The following ADIPOR2 variants were observed in gnomAD, a reference collection of about 807,000 sequenced individuals.
ADIPOR2 encodes adiponectin receptor protein 2.
A neutral mutation model predicts 40.9 loss-of-function variants in ADIPOR2; 18 were observed. The ratio of observed to expected loss-of-function variants is 0.44; its 90% confidence interval spans 0.30 to 0.65. ADIPOR2 has a LOEUF of 0.65. ADIPOR2 is among the 30% of genes least tolerant of loss of function. The probability of loss-of-function intolerance (pLI) is 0.09; values close to 1 mark genes in which losing one functional copy is unlikely to be tolerated. For synonymous variants in ADIPOR2, 165 were observed against 166.4 expected, an observed-to-expected ratio of 0.99 and a Z score of 0.06; for missense variants, 283 against 479.2, an observed-to-expected ratio of 0.59 and a Z score of 3.82.
At chr12:1,737,006 A>G (rs1364798214) in intron 1 of ADIPOR2, among the ~76,000 whole-genome samples, 1 of 152,212 alleles carries the variant, frequency 6.6e-6, no homozygotes, top group Non-Finnish European at 1.5e-5. Flanking sequence ...GTGAAAAGCC[A>G]GAAGGGCCCG....
chr12:1,693,520 C>CTTTTTTTTTTTTTTTTTT (rs35175001), intron 1 of ADIPOR2, among the ~76,000 whole-genome samples: 1 of 140,208 alleles, frequency 7.1e-6, no homozygotes. Context: ...TTGTAATCTG[C>CTTTTTTTTTTTTTTTTTT]TTTTTTTTTT....
At chr12:1,758,391 G>A (rs900642869) in intron 2 of ADIPOR2, among the ~76,000 whole-genome samples, 7 of 152,178 alleles carry the variant, frequency 4.6e-5, no homozygotes, top group Non-Finnish European at 1.0e-4. Flanking sequence ...AGGATCCATA[G>A]GTTGTGGAAT....
intron 1 of ADIPOR2, among the ~76,000 whole-genome samples, chr12:1,693,355 A>G (rs1439527638): frequency 6.6e-6 from 1 of 152,130 alleles, no homozygotes; most frequent in Non-Finnish European, 1.5e-5. Flanking sequence ...AAAATGATAC[A>G]TAGTCAATGT....
intron 1 of ADIPOR2, among the ~76,000 whole-genome samples, chr12:1,715,793 G>C (rs2094686346): frequency 6.6e-6 from 1 of 152,146 alleles, no homozygotes; most frequent in Non-Finnish European, 1.5e-5. Context: ...TCAGCGCTCT[G>C]TAAAAATGCA....
intron 1 of ADIPOR2, among the ~76,000 whole-genome samples, chr12:1,709,262 A>T (rs1024443936): frequency 6.6e-6 from 1 of 152,148 alleles, no homozygotes; most frequent in Non-Finnish European, 1.5e-5. Flanking sequence ...TTATTTTTTA[A>T]GGTTCTTTAG....
intron 2 of ADIPOR2, among the ~76,000 whole-genome samples, chr12:1,761,546 C>G (rs7313760): frequency 0.31 from 47,590 of 152,056 alleles, 8,194 homozygotes; most frequent in East Asian, 0.49. Context: ...TTGAATATAA[C>G]TATCCTAGTG....
intron 1 of ADIPOR2, among the ~76,000 whole-genome samples, chr12:1,751,869 C>T (rs1322563217): frequency 6.6e-6 from 1 of 151,520 alleles, no homozygotes; most frequent in Non-Finnish European, 1.5e-5. Flanking sequence ...CCATATATAG[C>T]TCCTGCTGAT....
At chr12:1,743,500 A>C (rs2094748128) in intron 1 of ADIPOR2, among the ~76,000 whole-genome samples, 1 of 152,002 alleles carries the variant, frequency 6.6e-6, no homozygotes, top group Admixed American at 6.6e-5. Context: ...GTGAGACTCC[A>C]GTGCTACAAA....
Position 1,714,885 on chromosome 12 carries a change from A to G in ADIPOR2, c.-87+23694A>G, listed in dbSNP as rs180953712. Among the ~76,000 whole-genome samples, 21 of 152,246 alleles carry G rather than the reference A, an allele frequency of 1.4e-4. No individual in the cohort carries two copies. The East Asian group carries it at 1.7e-3, about 13-fold the overall frequency. On this transcript the variant is annotated intron_variant, in intron 1 of 7. Transcript: ENST00000357103. The stretch of plus-strand genomic sequence containing the variant: ...TTGCCCTAGACCCTATAGGACATCT[A>G]TATACCTATCAGGATCATCTGAAAA...
chr12:1,713,247 T>C (rs2094681172), intron 1 of ADIPOR2, among the ~76,000 whole-genome samples: 1 of 152,072 alleles, frequency 6.6e-6, no homozygotes, highest in Non-Finnish European at 1.5e-5. Flanking sequence ...CTGCTTCCTT[T>C]GGTATTTGAG....
At chr12:1,757,446 C>A in intron 2 of ADIPOR2, 1 of 723,424 alleles carries the variant, frequency 1.4e-6, no homozygotes, top group Non-Finnish European at 2.6e-6. Flanking sequence ...GGTTATCACA[C>A]CAGTTCTTCC....
At chr12:1,773,499 G>C (rs1406085196) in intron 3 of ADIPOR2, among the ~76,000 whole-genome samples, 2 of 148,058 alleles carry the variant, frequency 1.4e-5, no homozygotes, top group Non-Finnish European at 3.0e-5. Context: ...TGATTCCCTA[G>C]GACCTATTAT....
intron 2 of ADIPOR2, among the ~76,000 whole-genome samples, chr12:1,756,408 G>A (rs7978362): frequency 1.3e-5 from 2 of 150,774 alleles, no homozygotes; most frequent in Middle Eastern, 3.4e-3. Context: ...CCTTGGCCCC[G>A]CAAATTGCTG....
At chr12:1,735,597 T>C (rs2094728716) in intron 1 of ADIPOR2, among the ~76,000 whole-genome samples, 1 of 152,222 alleles carries the variant, frequency 6.6e-6, no homozygotes, top group Non-Finnish European at 1.5e-5. Flanking sequence ...TTCCTTCTCC[T>C]GCCTAATTGC....
chr12:1,742,204 C>G (rs2094744397), intron 1 of ADIPOR2, among the ~76,000 whole-genome samples: 1 of 152,164 alleles, frequency 6.6e-6, no homozygotes, highest in Non-Finnish European at 1.5e-5. Flanking sequence ...GCGATCCTCC[C>G]ACCTCAGTGT....
chr12:1,736,280 T>A (rs1029031550), intron 1 of ADIPOR2, among the ~76,000 whole-genome samples: 1 of 152,222 alleles, frequency 6.6e-6, no homozygotes, highest in Non-Finnish European at 1.5e-5. Flanking sequence ...GAGCCTGTTA[T>A]TGGTTTATTC....
chr12:1,783,978 T>TG lies in ADIPOR2; in HGVS notation c.939dup (p.Leu314ValfsTer29), dbSNP rs1278598646. ...GGCCGCCACCATAGGGCAGATAGGC[T>TG]GGTTGATGCTGATGGCCAGCCTCTA... On this transcript the variant is annotated frameshift_variant, in exon 7 of 8. Transcript: ENST00000357103. LOFTEE classifies it high-confidence loss of function. 3.1e-6 allele frequency: 5 copies of TG among 1,613,880 alleles called. No homozygotes were observed. The Admixed American group carries it at 8.3e-5, about 27-fold the overall frequency.
intron 1 of ADIPOR2, among the ~76,000 whole-genome samples, chr12:1,753,382 G>A (rs954621923): frequency 1.3e-5 from 2 of 152,224 alleles, no homozygotes; most frequent in African/African-American, 2.4e-5. Context: ...CTGCAGTCCA[G>A]TTTAGAGAGA....
intron 1 of ADIPOR2, among the ~76,000 whole-genome samples, chr12:1,717,230 C>G (rs1457416599): frequency 6.6e-6 from 1 of 152,090 alleles, no homozygotes; most frequent in Non-Finnish European, 1.5e-5. Context: ...TGTTTTTTCA[C>G]TTTGGAATTT....
Sources: gnomAD v4.1 joint callset for allele counts (sites outside exome capture counted in the v4.1 genomes callset) on GRCh38, gnomAD v4.1.1 for gene constraint, MANE v1.5 for transcripts, NCBI Gene and HGNC (gene_info 2026-07-23, HGNC 2026-07-21) for gene names.